SULT1A1: variants seen among roughly 807,000 people sequenced by gnomAD.
SULT1A1 encodes sulfotransferase family 1A member 1, also known as sulfotransferase 1A1.
Under a neutral mutation model 36.8 loss-of-function variants are expected in SULT1A1, and 35 were observed. The observed-to-expected ratio is 0.95, with a 90% CI of 0.73 to 1.26. The LOEUF is 1.26. Among genes scored for constraint, SULT1A1 ranks in the 50% most tolerant of loss-of-function variants. SULT1A1 has a pLI of 0.00. For synonymous variants in SULT1A1, 119 were observed against 146.0 expected (o/e 0.82, Z 1.33); for missense variants, 309 against 383.0 (o/e 0.81, Z 1.61).
intron 1 of SULT1A1, chr16:28,609,624 G>A (rs1263734373): frequency 2.1e-5 from 8 of 385,368 alleles, no homozygotes; most frequent in Non-Finnish European, 3.3e-5. Context: ...CAGGCAGGAT[G>A]ATGAGGGCCT....
intron 6 of SULT1A1, 148 bp downstream of exon 6, chr16:28,606,613 T>TCGC: frequency 7.7e-7 from 1 of 1,305,554 alleles, no homozygotes; most frequent in Non-Finnish European, 1.0e-6. Context: ...GGGGCCTTAG[T>TCGC]GGGGAGGCCT....
intron 2 of SULT1A1, among the ~76,000 whole-genome samples, chr16:28,618,041 T>C (rs903866150): frequency 1.0e-5 from 1 of 97,628 alleles, no homozygotes; most frequent in African/African-American, 3.3e-5. Context: ...TACTTCCTGC[T>C]CTTTTTTTTT....
exon 2 of SULT1A1, chr16:28,620,133 C>A: frequency 6.2e-7 from 1 of 1,612,252 alleles, no homozygotes; most frequent in Non-Finnish European, 8.5e-7. Flanking sequence ...AATGCTCATA[C>A]CTATTTGCAA....
intron 2 of SULT1A1, among the ~76,000 whole-genome samples, chr16:28,616,406 C>G (rs1423211417): frequency 6.6e-6 from 1 of 152,174 alleles, no homozygotes; most frequent in African/African-American, 2.4e-5. Context: ...CCTGACTCAG[C>G]CTCTTGAGTA....
chr16:28,608,203 T>C (rs1261348503), intron 4 of SULT1A1, 88 bp downstream of exon 4: 1 of 1,552,466 alleles, frequency 6.4e-7, no homozygotes, highest in Non-Finnish European at 8.8e-7. Context: ...CTCAGGGTGC[T>C]CTCAAACTCC....
At position 28,606,084 on chromosome 16, in the gene SULT1A1, G is replaced by T. The variant is rs759908052; in HGVS notation, c.747C>A (p.Asp249Glu). 1 of 1,611,034 alleles carries T rather than the reference G, an allele frequency of 6.2e-7. No homozygotes were observed. Among genetic ancestry groups the T allele is most frequent in the Non-Finnish European group, 8.5e-7 (1 of 1,177,922 alleles). The stretch of plus-strand genomic sequence containing the variant: ...TCCTCATGAAGGGGGAGATGCTGTG[G>T]TCCATGAACTCCTGGGGGACGGTGG... Reference protein sequence around the residue: ...NYTTVPQEFMDHSISPFMRKG... With the variant: ...NYTTVPQEFMEHSISPFMRKG... The change falls in exon 7 of 8, where the codon GAC becomes GAA. Residue 249 changes from aspartate (D) to glutamate (E), a missense_variant. This residue lies in a region of SULT1A1 where 67 missense variants were observed against 122.0 expected (regional missense o/e 0.55). Transcript: ENST00000314752.
At chr16:28,615,855 C>T (rs2047533007) in intron 2 of SULT1A1, among the ~76,000 whole-genome samples, 1 of 152,182 alleles carries the variant, frequency 6.6e-6, no homozygotes, top group Non-Finnish European at 1.5e-5. Context: ...GGAGAGGAGA[C>T]AAAGAGAAAG....
At chr16:28,610,629 TC>T (rs2047415342), upstream of SULT1A1, 1 of 169,470 alleles carries the variant, frequency 5.9e-6, no homozygotes, top group Non-Finnish European at 1.3e-5. Context: ...GACACTGCAG[TC>T]CCATTGCCCT....
At chr16:28,616,273 T>C (rs918830358) in intron 2 of SULT1A1, among the ~76,000 whole-genome samples, 1 of 152,256 alleles carries the variant, frequency 6.6e-6, no homozygotes, top group African/African-American at 2.4e-5. Context: ...GATATTCATA[T>C]ATAATCATAT....
rs979958060 is a variant in SULT1A1 at position 28,609,187 on chromosome 16, A to G, written c.-4-328T>C. ...AAGGTCTCCAGGAGAGTCCAGCTGC[A>G]CTGAGGAAGCTCTAGGACCTTCCTG... On this transcript the variant is annotated intron_variant, in intron 1 of 7. Transcript: ENST00000314752. 109 of 1,341,058 alleles carry G rather than the reference A, an allele frequency of 8.1e-5. 1 individual carries two copies. The highest frequency in any genetic ancestry group is 5.7e-4 in the Middle Eastern group (2 of 3,510). The allele number at this position is 1,341,058 out of a possible 1,614,324, so 83.1% of individuals were successfully genotyped here.
At chr16:28,616,322 T>C (rs1254728351) in intron 2 of SULT1A1, among the ~76,000 whole-genome samples, 1 of 152,224 alleles carries the variant, frequency 6.6e-6, no homozygotes. Flanking sequence ...TTGTTTTATA[T>C]TTTATTATAC....
In SULT1A1 at chr16:28,608,320, G is replaced by A. The variant is rs750274900; in HGVS notation, c.343C>T (p.Pro115Ser). 12 of 1,612,348 alleles carry A rather than the reference G, an allele frequency of 7.4e-6. No individual in the cohort carries two copies. Among genetic ancestry groups the A allele is most frequent in the Middle Eastern group, 1.7e-4 (1 of 6,046 alleles). The change falls in exon 4 of 8, where the codon CCC (proline) becomes TCC (serine). Residue 115 changes from proline (P) to serine (S), a missense_variant. Coordinates refer to ENST00000314752, the MANE Select transcript of SULT1A1 (RefSeq NM_001055.4). Reference protein sequence around the residue: ...LKTHLPLALLPQTLLDQKVKV... With the variant: ...LKTHLPLALLSQTLLDQKVKV... ...ACCTTCTGATCCAACAGAGTCTGGG[G>A]GAGCAGAGCCAGGGGCAGGTGTGTC...
chr16:28,609,213 T>C, intron 1 of SULT1A1: 2 of 1,299,002 alleles, frequency 1.5e-6, no homozygotes, highest in Non-Finnish European at 2.0e-6. Flanking sequence ...GACCTTCCTG[T>C]GCTGTCTCCC....
Position 28,606,784 on chromosome 16 carries a change from G to C in SULT1A1, c.571C>G (p.Leu191Val). The change falls in exon 6 of 8, where the codon CTC (leucine) becomes GTC (valine). Residue 191 changes from leucine (L) to valine (V), a missense_variant. By Grantham distance (32) the Leu-to-Val change is conservative (BLOSUM62 1). This residue lies in a region of SULT1A1 where 219 missense variants were observed against 215.3 expected (regional missense o/e 1.02). Coordinates refer to ENST00000314752, the MANE Select transcript of SULT1A1 (RefSeq NM_001055.4). Reference sequence around the variant, plus strand: ...ACCTCCTTCATGTCTTCATAGAAGAGGTAGAGAACAGGGTGGGTGCGGCTC... The same window carrying C: ...ACCTCCTTCATGTCTTCATAGAAGACGTAGAGAACAGGGTGGGTGCGGCTC... ...ELSRTHPVLYLFYEDMKENPK... is the reference protein window; with the variant it reads ...ELSRTHPVLYVFYEDMKENPK... The C allele has an allele frequency of 1.2e-6, 2 of 1,612,436 alleles. No homozygotes were observed. The highest frequency in any genetic ancestry group is 2.2e-5 in the South Asian group (2 of 91,018).
intron 2 of SULT1A1, among the ~76,000 whole-genome samples, chr16:28,616,387 C>T (rs2047547513): frequency 6.6e-6 from 1 of 152,122 alleles, no homozygotes; most frequent in African/African-American, 2.4e-5. Context: ...GCTTGCCGCC[C>T]ACAATTCTCC....
intron 1 of SULT1A1, chr16:28,609,413 T>C (rs1269615967): frequency 1.6e-6 from 2 of 1,282,174 alleles, no homozygotes; most frequent in Non-Finnish European, 2.0e-6. Context: ...ATTGAGGAAC[T>C]GAGCTGCTAC....
In SULT1A1 at chr16:28,623,135, G is replaced by A. The variant is rs1010038374; in HGVS notation, c.63C>T (p.Tyr21=). The A allele has an allele frequency of 1.8e-5, 27 of 1,515,060 alleles. No individual in the cohort carries two copies. In the African/African-American group the frequency reaches 2.0e-4, roughly 11 times the overall value. The allele number at this position is 1,515,060 out of a possible 1,614,324, so 93.9% of individuals were successfully genotyped here. A position where few individuals can be genotyped will look rare whatever the true frequency, so the allele number is the denominator to read the frequency against. Residue 21 remains tyrosine, a synonymous_variant, in exon 1 of 6, where the codon TAC becomes TAT. Coordinates refer to the SULT1A1 transcript ENST00000350842. ...GTTCCCCCCCCGGCCCCTCACCGGC[G>A]TAGAAGGCCGAGACCGCGATGGGCG... is the stretch of plus-strand genomic sequence containing the variant.
At chr16:28,608,629 G>A (rs768429034) in intron 2 of SULT1A1, 26 bp from the exon 3 acceptor site, 1 of 1,611,482 alleles carries the variant, frequency 6.2e-7, no homozygotes, top group Non-Finnish European at 8.5e-7. Flanking sequence ...GATGGGAGGT[G>A]AGCAGGCTGA....
intron 1 of SULT1A1, chr16:28,609,644 G>C (rs2047370249): frequency 5.2e-6 from 2 of 386,032 alleles, no homozygotes; most frequent in Non-Finnish European, 9.5e-6. Flanking sequence ...TGTAGTCCTA[G>C]CTACTCCAGA....
Sources: allele counts gnomAD v4.1 joint callset (sites outside exome capture counted in the v4.1 genomes callset), GRCh38; gene constraint gnomAD v4.1.1; regional missense constraint gnomAD v4.1.1; transcripts MANE v1.5; gene names NCBI Gene and HGNC (gene_info 2026-07-23, HGNC 2026-07-21).